THSD7B: variants seen among roughly 807,000 people sequenced by gnomAD.
THSD7B encodes thrombospondin type-1 domain-containing protein 7B.
THSD7B carries 138 observed loss-of-function variants against 213.6 expected under a neutral mutation model. That is an observed-to-expected ratio of 0.65 (90% CI 0.56 to 0.74). The LOEUF (loss-of-function observed/expected upper bound fraction) is 0.74. THSD7B is among the 30% of genes least tolerant of loss of function. The probability of loss-of-function intolerance (pLI) is 0.00; values close to 1 mark genes in which losing one functional copy is unlikely to be tolerated. For missense variants in THSD7B, 1,931 were observed against 1,991.5 expected (o/e 0.97, Z 0.58); for synonymous variants, 742 against 687.0 (o/e 1.08, Z -1.25).
intron 3 of THSD7B, among the ~76,000 whole-genome samples, chr2:137,060,427 T>G (rs1183234940): frequency 6.6e-6 from 1 of 151,950 alleles, no homozygotes; most frequent in Non-Finnish European, 1.5e-5. Flanking sequence ...TTTAAAAATA[T>G]CACTAAACCC....
intron 10 of THSD7B, among the ~76,000 whole-genome samples, chr2:137,255,880 A>G (rs549063814): frequency 6.6e-6 from 1 of 152,048 alleles, no homozygotes; most frequent in Non-Finnish European, 1.5e-5. Context: ...TAGAGGTAGC[A>G]TCTCTCTGTG....
intron 6 of THSD7B, 104 bp downstream of exon 6, chr2:137,160,472 A>T: frequency 7.0e-7 from 1 of 1,421,184 alleles, no homozygotes; most frequent in Non-Finnish European, 9.4e-7. Flanking sequence ...ATTTGTTTGT[A>T]AAATTTAGAT....
intron 20 of THSD7B, among the ~76,000 whole-genome samples, chr2:137,629,502 C>T (rs996755526): frequency 6.6e-6 from 1 of 152,178 alleles, no homozygotes; most frequent in Non-Finnish European, 1.5e-5. Context: ...CCCTGTTTGT[C>T]TACAAACAAC....
chr2:137,435,834 C>G (rs1349753), intron 14 of THSD7B, among the ~76,000 whole-genome samples: 2 of 151,836 alleles, frequency 1.3e-5, no homozygotes, highest in African/African-American at 4.8e-5. Flanking sequence ...CATGGCTCCT[C>G]ACTGTAGGAT....
chr2:137,599,593 C>T (rs1682036853), intron 17 of THSD7B, among the ~76,000 whole-genome samples: 1 of 151,582 alleles, frequency 6.6e-6, no homozygotes, highest in Non-Finnish European at 1.5e-5. Context: ...CCTCAGGGAT[C>T]TAGAACTAGA....
intron 15 of THSD7B, among the ~76,000 whole-genome samples, chr2:137,545,312 G>A (rs932203264): frequency 2.6e-5 from 4 of 151,760 alleles, no homozygotes; most frequent in Non-Finnish European, 5.9e-5. Context: ...ATCAGGTTAT[G>A]AAGAGAAAAA....
chr2:137,082,407 A>G (rs1308959380), intron 3 of THSD7B, among the ~76,000 whole-genome samples: 1 of 152,064 alleles, frequency 6.6e-6, no homozygotes, highest in African/African-American at 2.4e-5. Flanking sequence ...TAGTGCTGAG[A>G]GGGGAATATC....
At chr2:136,973,203 T>C (rs1031030785) in intron 2 of THSD7B, among the ~76,000 whole-genome samples, 1 of 152,196 alleles carries the variant, frequency 6.6e-6, no homozygotes, top group Non-Finnish European at 1.5e-5. Flanking sequence ...CAGTCTTCTC[T>C]TTCCTCTAGA....
chr2:137,240,599 C>A (rs1681878130), intron 9 of THSD7B, among the ~76,000 whole-genome samples: 2 of 152,104 alleles, frequency 1.3e-5, no homozygotes, highest in Non-Finnish European at 2.9e-5. Flanking sequence ...CAGCCTTGAA[C>A]TCCTGGGTTT....
At chr2:137,113,006 T>C (rs1048262528) in intron 4 of THSD7B, among the ~76,000 whole-genome samples, 2 of 152,216 alleles carry the variant, frequency 1.3e-5, no homozygotes, top group African/African-American at 4.8e-5. Context: ...CAAAGCATAC[T>C]TGTCATCTGT....
At chr2:137,415,101 A>G (rs1014027449) in intron 14 of THSD7B, among the ~76,000 whole-genome samples, 1 of 151,776 alleles carries the variant, frequency 6.6e-6, no homozygotes, top group Non-Finnish European at 1.5e-5. Flanking sequence ...GAGACACAGG[A>G]TAATGACCTA....
chr2:136,834,929 A>G lies in THSD7B; in HGVS notation c.-35-47215A>G, dbSNP rs145471661. On this transcript the variant is annotated intron_variant, in intron 1 of 27. Coordinates refer to ENST00000409968, the MANE Select transcript of THSD7B (RefSeq NM_001316349.2). ...GAAATAAGGTTGGATGTAAATGTTC[A>G]AATGTCCCCATTGTCTTTTTTTCCC... Among the ~76,000 whole-genome samples the G allele has an allele frequency of 6.0e-3, 920 of 152,356 alleles. 7 individuals are homozygous for G. Among genetic ancestry groups the G allele is most frequent in the African/African-American group, 0.021 (866 of 41,588 alleles).
chr2:137,573,721 T>A (rs1466400238), intron 17 of THSD7B, among the ~76,000 whole-genome samples: 1 of 152,102 alleles, frequency 6.6e-6, no homozygotes, highest in East Asian at 1.9e-4. Context: ...AGGTTGGTAG[T>A]ATTACTAGTT....
intron 4 of THSD7B, among the ~76,000 whole-genome samples, chr2:137,101,876 G>C (rs1309390057): frequency 6.6e-6 from 1 of 152,220 alleles, no homozygotes; most frequent in Admixed American, 6.5e-5. Context: ...CTGAAAGAAA[G>C]GCAGCAGCCC....
Position 136,964,360 on chromosome 2 carries a change from G to C in THSD7B, c.139+82043G>C, listed in dbSNP as rs1431238591. On this transcript the variant is annotated intron_variant, in intron 2 of 27. Coordinates refer to ENST00000409968, the MANE Select transcript of THSD7B (RefSeq NM_001316349.2). ...GGATTGCCCGAGCCCAGAAGTTCAA[G>C]GTTACAGTGAGCCATGATTGCACCA... Among the ~76,000 whole-genome samples the C allele has an allele frequency of 4.6e-5, 7 of 151,958 alleles. No individual in the cohort carries two copies. The East Asian group carries it at 1.2e-3, about 25-fold the overall frequency.
intron 20 of THSD7B, 69 bp from the exon 21 acceptor site, chr2:137,642,419 C>T: frequency 1.3e-6 from 2 of 1,574,310 alleles, no homozygotes; most frequent in Non-Finnish European, 1.7e-6. Context: ...TATAAGGCAA[C>T]ATTCTGTTCT....
intron 12 of THSD7B, among the ~76,000 whole-genome samples, chr2:137,314,495 C>T (rs1214924760): frequency 1.3e-5 from 2 of 152,232 alleles, no homozygotes; most frequent in Non-Finnish European, 2.9e-5. Flanking sequence ...CTGAAGCCTT[C>T]TTCTCTCACC....
At chr2:137,385,276 C>T (rs1685869044) in intron 12 of THSD7B, among the ~76,000 whole-genome samples, 1 of 152,220 alleles carries the variant, frequency 6.6e-6, no homozygotes, top group Non-Finnish European at 1.5e-5. Flanking sequence ...TAGTAGGGAG[C>T]TCTTAAGGAA....
chr2:137,566,281 G>A (rs1405251918), intron 16 of THSD7B, among the ~76,000 whole-genome samples: 1 of 152,106 alleles, frequency 6.6e-6, no homozygotes, highest in South Asian at 2.1e-4. Context: ...TCATTGAGTC[G>A]AATTTGGTCC....
Sources: gnomAD v4.1 joint callset for allele counts (sites outside exome capture counted in the v4.1 genomes callset) on GRCh38, gnomAD v4.1.1 for gene constraint, MANE v1.5 for transcripts, NCBI Gene and HGNC (gene_info 2026-07-23, HGNC 2026-07-21) for gene names.